CD109: variants seen among roughly 807,000 people sequenced by gnomAD.
The protein encoded by CD109 is CD109 antigen.
Under a neutral mutation model 165.8 loss-of-function variants are expected in CD109, and 149 were observed. The ratio of observed to expected loss-of-function variants is 0.90; its 90% confidence interval spans 0.79 to 1.03. The LOEUF is 1.03. Among genes scored for constraint, CD109 ranks in the 50% least tolerant of loss-of-function variants. The pLI, the probability that CD109 is intolerant of heterozygous loss-of-function variation, is 0.00. For synonymous variants in CD109, 585 were observed against 592.1 expected, an observed-to-expected ratio of 0.99 and a Z score of 0.18; for missense variants, 1,712 against 1,677.8, an observed-to-expected ratio of 1.02 and a Z score of -0.36.
At position 73,815,059 on chromosome 6, in the gene CD109, T is replaced by G. The variant is rs1759664656; in HGVS notation, c.3847T>G (p.Leu1283Val). The part of the protein sequence containing the change: ...RSIQNQEAFD[L>V]DVAVKENKDD... ...TATCCAAAATCAAGAAGCCTTTGAT[T>G]TAGATGTTGCTGTAAAAGAAAATAA... is the stretch of plus-strand genomic sequence containing the variant. The change falls in exon 30 of 33, where the codon TTA becomes GTA. Residue 1283 changes from leucine to valine, a missense_variant. Coordinates refer to ENST00000287097, the MANE Select transcript of CD109 (RefSeq NM_133493.5). The G allele has an allele frequency of 6.3e-7, 1 of 1,589,938 alleles. No individual in the cohort carries two copies. Among genetic ancestry groups the G allele is most frequent in the Non-Finnish European group, 8.5e-7 (1 of 1,171,736 alleles).
chr6:73,711,954 T>C (rs9446993), intron 2 of CD109, among the ~76,000 whole-genome samples: 18,181 of 152,186 alleles, frequency 0.12, 1,242 homozygotes, highest in African/African-American at 0.19. Context: ...AGCCAAATAG[T>C]GTATGTTGTA....
intron 24 of CD109, 64 bp from the exon 25 acceptor site, chr6:73,806,780 C>T (rs2150294059): frequency 1.1e-5 from 12 of 1,129,060 alleles, no homozygotes; most frequent in Middle Eastern, 2.0e-4. Context: ...GTTTTGCTTG[C>T]TCGGTGTTAT....
intron 13 of CD109, among the ~76,000 whole-genome samples, chr6:73,767,500 C>T (rs1773895382): frequency 2.6e-5 from 4 of 152,056 alleles, no homozygotes. Context: ...TGGTGTCTAC[C>T]TTATATCTAC....
intron 21 of CD109, among the ~76,000 whole-genome samples, chr6:73,787,760 T>G (rs771126233): frequency 6.6e-6 from 1 of 152,188 alleles, no homozygotes; most frequent in African/African-American, 2.4e-5. Flanking sequence ...TTTGTAGATT[T>G]GGAATTTTGG....
At chr6:73,773,158 ACT>A (rs1434833162) in intron 15 of CD109, among the ~76,000 whole-genome samples, 1 of 150,546 alleles carries the variant, frequency 6.6e-6, no homozygotes, top group Non-Finnish European at 1.5e-5. Flanking sequence ...TGTGCTGCGC[ACT>A]CTGTCTCTAT....
At chr6:73,789,165 C>T (rs912519337) in intron 22 of CD109, among the ~76,000 whole-genome samples, 8 of 152,176 alleles carry the variant, frequency 5.3e-5, no homozygotes, top group Non-Finnish European at 1.2e-4. Context: ...ATTCTGATAA[C>T]CAAAGGTTGA....
chr6:73,710,658 C>T (rs1435771933), intron 2 of CD109, among the ~76,000 whole-genome samples: 2 of 152,142 alleles, frequency 1.3e-5, no homozygotes, highest in Non-Finnish European at 2.9e-5. Flanking sequence ...TGCCTGACCA[C>T]AAGCCTGTGG....
intron 20 of CD109, among the ~76,000 whole-genome samples, chr6:73,786,642 G>A (rs1289782695): frequency 6.6e-6 from 1 of 151,998 alleles, no homozygotes; most frequent in Non-Finnish European, 1.5e-5. Context: ...ACCTTGAGAA[G>A]CAGATGAAAA....
At chr6:73,801,283 A>G (rs541187975) in intron 23 of CD109, among the ~76,000 whole-genome samples, 1 of 152,220 alleles carries the variant, frequency 6.6e-6, no homozygotes, top group African/African-American at 2.4e-5. Flanking sequence ...AAAGGGAATA[A>G]TAATAGCATC....
chr6:73,769,694 C>A (rs916177037), intron 14 of CD109, among the ~76,000 whole-genome samples: 1 of 152,156 alleles, frequency 6.6e-6, no homozygotes. Context: ...GTAGGAGCGG[C>A]AAGAGATTTA....
In CD109 at chr6:73,730,363, A is replaced by G. The variant is rs755160049; in HGVS notation, c.296A>G (p.Asp99Gly). ...TLPSLPLNSA[D>G]EIYELRVTGR... ...CCCCAGCTACCTCTGAACAGTGCAG[A>G]TGAGATTTATGAGCTACGTGTAACC... Residue 99 changes from aspartate to glycine, a missense_variant, in exon 4 of 33, where the codon GAT becomes GGT. By Grantham distance (94) the Asp-to-Gly change is moderately conservative. Coordinates refer to ENST00000287097, the MANE Select transcript of CD109 (RefSeq NM_133493.5). 36 of 1,612,494 alleles carry G rather than the reference A, an allele frequency of 2.2e-5. No homozygotes were observed. Among genetic ancestry groups the G allele is most frequent in the Middle Eastern group, 1.6e-4 (1 of 6,082 alleles).
chr6:73,786,692 T>G (rs4706555), intron 20 of CD109, among the ~76,000 whole-genome samples: 58,621 of 152,002 alleles, frequency 0.39, 11,621 homozygotes, highest in African/African-American at 0.47. Context: ...AAGGCCTAGA[T>G]AAATGCTATT....
chr6:73,763,014 A>G, intron 9 of CD109, 132 bp downstream of exon 9: 1 of 826,504 alleles, frequency 1.2e-6, no homozygotes, highest in Non-Finnish European at 1.8e-6. Context: ...TGAAATTGTT[A>G]TGACTGTTAG....
chr6:73,802,695 CTTT>C (rs572988991), intron 23 of CD109, among the ~76,000 whole-genome samples: 2 of 127,948 alleles, frequency 1.6e-5, no homozygotes, highest in African/African-American at 2.9e-5. Flanking sequence ...ATATCACAGG[CTTT>C]TTTTTTTTTT....
intron 15 of CD109, among the ~76,000 whole-genome samples, chr6:73,779,111 A>G (rs542421736): frequency 2.0e-5 from 3 of 152,152 alleles, no homozygotes; most frequent in African/African-American, 7.2e-5. Flanking sequence ...GGGAACCTCT[A>G]GTCTACTTCT....
At chr6:73,725,504 C>CTTCTTTTTTTTTTTTTTTT (rs747396382) in intron 3 of CD109, among the ~76,000 whole-genome samples, 1 of 89,440 alleles carries the variant, frequency 1.1e-5, no homozygotes, top group Non-Finnish European at 2.1e-5. Context: ...TACTACACTT[C>CTTCTTTTTTTTTTTTTTTT]TTTTTTTTTT....
intron 23 of CD109, among the ~76,000 whole-genome samples, chr6:73,795,138 A>T (rs1441508610): frequency 1.9e-5 from 1 of 52,652 alleles, no homozygotes; most frequent in African/African-American, 9.7e-5. Context: ...TCTGGTTTGA[A>T]GTAGAAACTA....
Position 73,823,436 on chromosome 6 carries a change from TG to T in CD109, c.4163-21del, listed in dbSNP as rs371760906. 5.1e-3 allele frequency: 8,092 copies of T among 1,585,270 alleles called. 48 individuals are homozygous for T. The highest frequency in any genetic ancestry group is 0.028 in the Admixed American group (1,650 of 57,908). On this transcript the variant is annotated intron_variant, in intron 32 of 32. Coordinates refer to ENST00000287097, the MANE Select transcript of CD109 (RefSeq NM_133493.5). ...TTCTAAACAAGGGAGCCGTGTGAAC[TG>T]ATGTCTGCTTCTTTGAACAGGGAGA...
the CD109 span, among the ~76,000 whole-genome samples, chr6:73,690,240 A>G: frequency 6.6e-6 from 1 of 152,152 alleles, no homozygotes; most frequent in Admixed American, 6.5e-5. Context: ...GGTTATATAT[A>G]CATTTCCCTT....
Sources: gnomAD v4.1 joint callset for allele counts (sites outside exome capture counted in the v4.1 genomes callset) on GRCh38, gnomAD v4.1.1 for gene constraint, MANE v1.5 for transcripts, NCBI Gene and HGNC (gene_info 2026-07-23, HGNC 2026-07-21) for gene names.